LRP1B: variants seen among roughly 807,000 people sequenced by gnomAD.
The protein encoded by LRP1B is LDL receptor related protein 1B, also known as low-density lipoprotein receptor-related protein 1B.
In LRP1B, 217 loss-of-function variants were observed where a neutral mutation model predicts 556.6. That is an observed-to-expected ratio of 0.39 (90% CI 0.35 to 0.44). The LOEUF (loss-of-function observed/expected upper bound fraction) is 0.44, where lower values mean the gene tolerates loss of function less well. Ranked by LOEUF, LRP1B falls within the 20% of genes least tolerant of loss-of-function variation. The probability of loss-of-function intolerance (pLI) is 1.00; values close to 1 mark genes in which losing one functional copy is unlikely to be tolerated. For missense variants in LRP1B, 5,053 were observed against 5,620.8 expected (o/e 0.90, Z 3.23); for synonymous variants, 2,047 against 1,865.8 (o/e 1.10, Z -2.50).
chr2:141,908,241 G>A (rs1026850422), intron 1 of LRP1B, among the ~76,000 whole-genome samples: 1 of 151,944 alleles, frequency 6.6e-6, no homozygotes, highest in Non-Finnish European at 1.5e-5. Flanking sequence ...CTGCCTTCTC[G>A]TGTTCTTAAA....
chr2:142,072,595 A>AT lies in LRP1B; in HGVS notation c.82+58052dup, dbSNP rs371199816. ...CTTACAAAATTATGAGATTTTTGTG[A>AT]TTTTTTTTGTTTAGCTCATCAGGCA... is the stretch of plus-strand genomic sequence containing the variant. On this transcript the variant is annotated intron_variant, in intron 1 of 90. Transcript: ENST00000389484. 3.2e-3 allele frequency among the ~76,000 whole-genome samples: 479 copies of AT among 151,830 alleles called. 3 individuals carry two copies. The highest frequency in any genetic ancestry group is 0.01 in the African/African-American group (419 of 41,446).
Position 140,336,014 on chromosome 2 carries a change from G to A in LRP1B, c.11893-176C>T, listed in dbSNP as rs138535990. On this transcript the variant is annotated intron_variant, in intron 77 of 90. Coordinates refer to ENST00000389484, the MANE Select transcript of LRP1B (RefSeq NM_018557.3). ...TTCAATCTTTGCAGATGTATTATCT[G>A]CATGAATCTTAATTGTACAGATCAC... Among the ~76,000 whole-genome samples, 391 of 152,080 alleles carry A rather than the reference G, an allele frequency of 2.6e-3. 3 individuals are homozygous for A. Among genetic ancestry groups the A allele is most frequent in the African/African-American group, 9.0e-3 (374 of 41,544 alleles).
chr2:141,468,482 A>T lies in LRP1B; in HGVS notation c.343+11914T>A, dbSNP rs531825848. Among the ~76,000 whole-genome samples the T allele has an allele frequency of 1.8e-4, 28 of 152,322 alleles. No individual in the cohort carries two copies. In the East Asian group the frequency reaches 4.8e-3, roughly 26 times the overall value. On this transcript the variant is annotated intron_variant, in intron 3 of 90. Coordinates refer to ENST00000389484, the MANE Select transcript of LRP1B (RefSeq NM_018557.3). ...ATTTCTATACACACAGTCTATATAC[A>T]CACATATATTTCTGTATACATTTAT...
At chr2:141,005,286 T>G (rs1558795173) in intron 15 of LRP1B, 49 bp downstream of exon 15, 2 of 1,591,990 alleles carry the variant, frequency 1.3e-6, no homozygotes, top group Admixed American at 3.5e-5. Flanking sequence ...GCTTCTAGTC[T>G]TCAGAAAGAG....
intron 1 of LRP1B, among the ~76,000 whole-genome samples, chr2:142,089,574 G>A (rs867733553): frequency 6.6e-6 from 1 of 152,082 alleles, no homozygotes; most frequent in South Asian, 2.1e-4. Flanking sequence ...AAAGAAGAAG[G>A]GCATCCTGTC....
intron 37 of LRP1B, among the ~76,000 whole-genome samples, chr2:140,705,521 C>CAAAAAAAAAAAAAAAAAAAAAAAAAAAAA (rs565447198): frequency 4.4e-5 from 3 of 68,212 alleles, no homozygotes; most frequent in South Asian, 6.0e-4. Context: ...GAGACTGTCT[C>CAAAAAAAAAAAAAAAAAAAAAAAAAAAAA]AAAAAAAAAA....
At chr2:141,486,064 T>C (rs933630916) in intron 2 of LRP1B, among the ~76,000 whole-genome samples, 16 of 152,154 alleles carry the variant, frequency 1.1e-4, no homozygotes, top group Non-Finnish European at 1.6e-4. Context: ...CTCATGAGAA[T>C]GTCACCTCAC....
At chr2:140,796,396 G>A (rs555210919) in intron 32 of LRP1B, among the ~76,000 whole-genome samples, 1 of 152,146 alleles carries the variant, frequency 6.6e-6, no homozygotes, top group Admixed American at 6.5e-5. Flanking sequence ...CAATCTGTTG[G>A]AACATAGTAT....
intron 23 of LRP1B, among the ~76,000 whole-genome samples, chr2:140,902,667 G>A (rs185099085): frequency 4.4e-4 from 67 of 152,106 alleles, no homozygotes; most frequent in Non-Finnish European, 8.4e-4. Context: ...GAGCCCATCC[G>A]GGATATGATA....
intron 2 of LRP1B, among the ~76,000 whole-genome samples, chr2:141,528,584 A>G (rs1385643417): frequency 6.6e-6 from 1 of 152,174 alleles, no homozygotes; most frequent in African/African-American, 2.4e-5. Flanking sequence ...ATATACACAT[A>G]TATAGTACAC....
Position 141,913,741 on chromosome 2 carries a change from A to G in LRP1B, c.83-103340T>C, listed in dbSNP as rs1348714196. Among the ~76,000 whole-genome samples, 4 of 151,868 alleles carry G rather than the reference A, an allele frequency of 2.6e-5. No individual in the cohort carries two copies. In the East Asian group the frequency reaches 7.7e-4, roughly 29 times the overall value. ...ACCAATGGTATTCTGCTTAGAGTTAATTACCCTCCTACATTTTTTTTTTAA... is the reference window on the plus strand; with the variant it reads ...ACCAATGGTATTCTGCTTAGAGTTAGTTACCCTCCTACATTTTTTTTTTAA... On this transcript the variant is annotated intron_variant, in intron 1 of 90. Coordinates refer to ENST00000389484, the MANE Select transcript of LRP1B (RefSeq NM_018557.3).
chr2:141,548,036 T>C (rs1685615302), intron 2 of LRP1B, among the ~76,000 whole-genome samples: 1 of 152,174 alleles, frequency 6.6e-6, no homozygotes, highest in Non-Finnish European at 1.5e-5. Flanking sequence ...GCTGTATGTC[T>C]TGAATATACA....
intron 41 of LRP1B, among the ~76,000 whole-genome samples, chr2:140,616,112 A>C (rs1002748365): frequency 1.3e-5 from 2 of 151,942 alleles, no homozygotes; most frequent in African/African-American, 4.8e-5. Context: ...TTACTAAAAA[A>C]AAAAGTTATT....
chr2:140,869,059 T>C (rs1481493480), intron 25 of LRP1B, among the ~76,000 whole-genome samples: 1 of 152,060 alleles, frequency 6.6e-6, no homozygotes, highest in Non-Finnish European at 1.5e-5. Flanking sequence ...AATTGGTTAT[T>C]TCTGAATGAT....
intron 57 of LRP1B, among the ~76,000 whole-genome samples, chr2:140,489,190 T>C (rs981175342): frequency 6.6e-6 from 1 of 151,982 alleles, no homozygotes; most frequent in Non-Finnish European, 1.5e-5. Context: ...GTTAAAATCA[T>C]AGGTTCAAAT....
chr2:141,150,869 T>TTTTGTGTGTG (rs1553467365), intron 7 of LRP1B, among the ~76,000 whole-genome samples: 1 of 138,626 alleles, frequency 7.2e-6, no homozygotes, highest in Non-Finnish European at 1.5e-5. Flanking sequence ...TCATGCTGGT[T>TTTTGTGTGTG]TGTGTGTGTG....
At chr2:141,087,968 A>T (rs1700087038) in intron 7 of LRP1B, among the ~76,000 whole-genome samples, 1 of 152,220 alleles carries the variant, frequency 6.6e-6, no homozygotes, top group Non-Finnish European at 1.5e-5. Flanking sequence ...GATTTGTCCA[A>T]AATGAAATAA....
Position 141,576,869 on chromosome 2 carries a change from G to C in LRP1B, c.206-96336C>G, listed in dbSNP as rs1574097411. Among the ~76,000 whole-genome samples the C allele has an allele frequency of 2.7e-5, 4 of 147,820 alleles. 1 individual carries two copies. The Admixed American group carries it at 2.7e-4, about 10-fold the overall frequency. On this transcript the variant is annotated intron_variant, in intron 2 of 90. Transcript: ENST00000389484. ...GATGGAGTCTTGCTGTTTTGCCCAGGTTGTTTTCGAACTCCTGACCTCAAG... is the reference window on the plus strand; with the variant it reads ...GATGGAGTCTTGCTGTTTTGCCCAGCTTGTTTTCGAACTCCTGACCTCAAG...
intron 1 of LRP1B, among the ~76,000 whole-genome samples, chr2:142,036,163 T>C (rs1221906310): frequency 6.6e-6 from 1 of 151,704 alleles, no homozygotes; most frequent in East Asian, 1.9e-4. Flanking sequence ...CTTGCTAGTA[T>C]TCCCTTTCCT....
Sources: allele counts gnomAD v4.1 joint callset (sites outside exome capture counted in the v4.1 genomes callset), GRCh38; gene constraint gnomAD v4.1.1; transcripts MANE v1.5; gene names NCBI Gene and HGNC (gene_info 2026-07-23, HGNC 2026-07-21).